The following COL25A1 variants were observed in gnomAD, a reference collection of about 807,000 sequenced individuals.
COL25A1 encodes the protein collagen type XXV alpha 1 chain.
In COL25A1, 103 loss-of-function variants were observed where a neutral mutation model predicts 128.4. That is an observed-to-expected ratio of 0.80 (90% CI 0.68 to 0.94). The LOEUF (loss-of-function observed/expected upper bound fraction) is 0.94. Ranked by LOEUF, COL25A1 falls within the 40% of genes least tolerant of loss-of-function variation. COL25A1 has a pLI of 0.00. For synonymous variants in COL25A1, 279 were observed against 277.2 expected (o/e 1.01, Z -0.06); for missense variants, 745 against 840.0 (o/e 0.89, Z 1.40).
intron 4 of COL25A1, among the ~76,000 whole-genome samples, chr4:109,048,999 T>A (rs974661115): frequency 6.6e-6 from 1 of 152,110 alleles, no homozygotes; most frequent in African/African-American, 2.4e-5. Context: ...TTAGATTCAA[T>A]GAGCTTTAAA....
chr4:108,848,654 AG>A (rs1297816981), intron 27 of COL25A1, 104 bp downstream of exon 27: 2 of 768,830 alleles, frequency 2.6e-6, no homozygotes, highest in Non-Finnish European at 2.2e-6. Flanking sequence ...TAAAAGAAAG[AG>A]GGTATCAAAT....
chr4:109,103,829 T>G lies in COL25A1; in HGVS notation c.368-53650A>C, dbSNP rs3113705. The stretch of plus-strand genomic sequence containing the variant: ...AATAAGGTTAATAACTACAAAGTAT[T>G]GACATATTAAATCCATGAATTTTTA... On this transcript the variant is annotated intron_variant, in intron 3 of 37. Transcript: ENST00000399132. 6.6e-4 allele frequency among the ~76,000 whole-genome samples: 100 copies of G among 152,256 alleles called. 1 individual carries two copies. The highest frequency in any genetic ancestry group is 2.3e-3 in the African/African-American group (95 of 41,570).
At chr4:109,175,711 G>A (rs1774031008) in intron 3 of COL25A1, among the ~76,000 whole-genome samples, 2 of 152,050 alleles carry the variant, frequency 1.3e-5, no homozygotes, top group South Asian at 2.1e-4. Context: ...TGAACTTTTA[G>A]CCATTCAATA....
At chr4:108,883,515 T>C (rs1740389888) in intron 19 of COL25A1, among the ~76,000 whole-genome samples, 1 of 152,204 alleles carries the variant, frequency 6.6e-6, no homozygotes, top group Non-Finnish European at 1.5e-5. Context: ...AGTAGAACTT[T>C]AAGTCTTGTC....
chr4:109,214,839 T>C (rs1777860990), intron 3 of COL25A1, among the ~76,000 whole-genome samples: 1 of 152,126 alleles, frequency 6.6e-6, no homozygotes, highest in African/African-American at 2.4e-5. Flanking sequence ...TGGTTACCCT[T>C]TGATCTCACC....
chr4:109,248,859 A>T (rs1780458361), intron 3 of COL25A1, among the ~76,000 whole-genome samples: 2 of 152,186 alleles, frequency 1.3e-5, no homozygotes, highest in South Asian at 4.1e-4. Context: ...GATAAGAAGA[A>T]GCACTACTCA....
In COL25A1 at chr4:108,819,003, A is replaced by C. The variant is rs900245228; in HGVS notation, c.1923+249T>G. ...ATTTATTGAAAAAATTAATATCCCA[A>C]AGAACACAGAAAAGGTGGTCATGTC... On this transcript the variant is annotated intron_variant, in intron 36 of 37. Transcript: ENST00000399132. 6.0e-4 allele frequency among the ~76,000 whole-genome samples: 92 copies of C among 152,296 alleles called. 1 individual carries two copies. The highest frequency in any genetic ancestry group is 2.0e-3 in the African/African-American group (84 of 41,564).
At chr4:109,028,825 A>T (rs1402163010) in intron 5 of COL25A1, among the ~76,000 whole-genome samples, 1 of 152,194 alleles carries the variant, frequency 6.6e-6, no homozygotes, top group Non-Finnish European at 1.5e-5. Context: ...TGAAAGAGTG[A>T]TAAGAACAAG....
At chr4:108,859,535 G>A (rs1423799019) in intron 24 of COL25A1, 121 bp downstream of exon 24, 4 of 639,366 alleles carry the variant, frequency 6.3e-6, no homozygotes, top group African/African-American at 1.8e-5. Flanking sequence ...GGGAGAAGGG[G>A]TGCCTTGAGC....
chr4:108,822,383 A>G (rs1279311220), intron 35 of COL25A1, among the ~76,000 whole-genome samples: 3 of 152,070 alleles, frequency 2.0e-5, no homozygotes, highest in Non-Finnish European at 2.9e-5. Flanking sequence ...AGACTCATAC[A>G]ACCAACTAGG....
chr4:109,097,555 G>A (rs1163072894), intron 3 of COL25A1, among the ~76,000 whole-genome samples: 1 of 151,590 alleles, frequency 6.6e-6, no homozygotes, highest in Non-Finnish European at 1.5e-5. Context: ...AAAGGTTGCA[G>A]TGAGCCCAGA....
chr4:109,274,816 C>T (rs1722655471), intron 3 of COL25A1, among the ~76,000 whole-genome samples: 1 of 152,092 alleles, frequency 6.6e-6, no homozygotes, highest in Admixed American at 6.5e-5. Context: ...GTCTATAATA[C>T]AAATTGTCTA....
At chr4:108,880,732 A>G (rs1366628416) in intron 19 of COL25A1, among the ~76,000 whole-genome samples, 1 of 152,210 alleles carries the variant, frequency 6.6e-6, no homozygotes, top group African/African-American at 2.4e-5. Flanking sequence ...AGGGGCGGAC[A>G]AGGATCTGCA....
intron 33 of COL25A1, among the ~76,000 whole-genome samples, chr4:108,825,836 T>C (rs1297416206): frequency 6.6e-6 from 1 of 152,180 alleles, no homozygotes; most frequent in African/African-American, 2.4e-5. Flanking sequence ...TGTTTTTAAG[T>C]AAGCTTTGTA....
At chr4:109,042,995 G>A (rs140201141) in intron 5 of COL25A1, among the ~76,000 whole-genome samples, 106 of 152,194 alleles carry the variant, frequency 7.0e-4, no homozygotes, top group African/African-American at 2.5e-3. Flanking sequence ...TTACTTGCCT[G>A]AAAAACATCT....
At chr4:109,179,631 T>C in intron 3 of COL25A1, among the ~76,000 whole-genome samples, 1 of 152,234 alleles carries the variant, frequency 6.6e-6, no homozygotes, top group Middle Eastern at 3.2e-3. Context: ...TATTGATTAC[T>C]TTCTGTGTTA....
chr4:108,834,288 G>C (rs969661333), intron 31 of COL25A1: 43 of 1,425,764 alleles, frequency 3.0e-5, no homozygotes, highest in Non-Finnish European at 4.0e-5. Context: ...GGAGCAAAGG[G>C]GTCTGTGCTG....
At chr4:109,165,467 G>C (rs967666603) in intron 3 of COL25A1, among the ~76,000 whole-genome samples, 2 of 152,196 alleles carry the variant, frequency 1.3e-5, no homozygotes, top group African/African-American at 4.8e-5. Flanking sequence ...TGTAATCCCA[G>C]CACTTTGGGA....
At chr4:109,070,558 T>C (rs1305091673) in intron 3 of COL25A1, among the ~76,000 whole-genome samples, 4 of 152,256 alleles carry the variant, frequency 2.6e-5, no homozygotes, top group Non-Finnish European at 4.4e-5. Context: ...TTATTATACT[T>C]TAAGTTCTAG....
Sources: gnomAD v4.1 joint callset for allele counts (sites outside exome capture counted in the v4.1 genomes callset) on GRCh38, gnomAD v4.1.1 for gene constraint, MANE v1.5 for transcripts, NCBI Gene and HGNC (gene_info 2026-07-23, HGNC 2026-07-21) for gene names.